Variants in MN1 observed in about 807,000 individuals in gnomAD.
MN1 encodes MN1 proto-oncogene, transcriptional regulator, also known as transcriptional activator MN1.
A neutral mutation model predicts 86.9 loss-of-function variants in MN1; 19 were observed. The ratio of observed to expected loss-of-function variants is 0.22; its 90% CI spans 0.15 to 0.32. MN1 has a LOEUF of 0.32. MN1 is among the 10% of genes least tolerant of loss of function. The pLI is 1.00. For synonymous variants in MN1, 928 were observed against 849.6 expected (o/e 1.09, Z -1.60); for missense variants, 1,841 against 1,862.0 (o/e 0.99, Z 0.21).
At chr22:27,751,916 A>C (rs891134025) in intron 1 of MN1, among the ~76,000 whole-genome samples, 2 of 152,034 alleles carry the variant, frequency 1.3e-5, no homozygotes, top group African/African-American at 4.8e-5. Flanking sequence ...CCACCTCTGA[A>C]GGTTCTGCCC....
chr22:27,750,832 G>C lies in MN1; in HGVS notation c.*83C>G, dbSNP rs1932756917. ...CAATAGTGGCCCTTTCAAATTAACA[G>C]AGGGGTGGGGTAAGGTTGAGGGGGA... On this transcript the variant is annotated 3_prime_UTR_variant, in exon 2 of 2. Transcript: ENST00000302326. 8 of 1,250,042 alleles carry C rather than the reference G, an allele frequency of 6.4e-6. No homozygotes were observed. The highest frequency in any genetic ancestry group is 6.1e-5 in the African/African-American group (4 of 65,666). 77.4% of individuals were successfully genotyped at this position (1,250,042 alleles called of 1,614,324 possible). A position where few individuals can be genotyped will look rare whatever the true frequency, so the allele number is the denominator to read the frequency against.
chr22:27,799,044 C>T lies in MN1; in HGVS notation c.1500G>A (p.Pro500=), dbSNP rs1316075779. The part of the protein sequence containing the change: ...AYPGLPGEFT[P]PVPDSFPSGP... ...CCGAAGGGAAGCTGTCGGGCACAGG[C>T]GGTGTGAACTCGCCGGGTAGGCCTG... The change falls in exon 1 of 2, where the codon CCG becomes CCA. Residue 500 remains proline (P), a synonymous_variant. Coordinates refer to ENST00000302326, the MANE Select transcript of MN1 (RefSeq NM_002430.3). The T allele has an allele frequency of 6.2e-7, 1 of 1,611,456 alleles. No individual in the cohort carries two copies. The highest frequency in any genetic ancestry group is 8.5e-7 in the Non-Finnish European group (1 of 1,178,922).
rs111405492 is a variant in MN1 at position 27,757,178 on chromosome 22, G to A, written c.3782-6082C>T. 8.5e-3 allele frequency among the ~76,000 whole-genome samples: 1,300 copies of A among 152,260 alleles called. 24 individuals carry two copies. The highest frequency in any genetic ancestry group is 0.029 in the African/African-American group (1,208 of 41,548). On this transcript the variant is annotated intron_variant, in intron 1 of 1. Coordinates refer to ENST00000302326, the MANE Select transcript of MN1 (RefSeq NM_002430.3). ...TCACACGGAGTCAGGGGCAGAGCCA[G>A]GCCTGCAATCCAGCCCCTGGTTTTT...
At chr22:27,775,754 G>A (rs374658133) in intron 1 of MN1, among the ~76,000 whole-genome samples, 1 of 152,216 alleles carries the variant, frequency 6.6e-6, no homozygotes, top group Non-Finnish European at 1.5e-5. Context: ...CTAATGAAGA[G>A]AGGGGAAAGA....
At chr22:27,791,408 A>G (rs45462093) in intron 1 of MN1, among the ~76,000 whole-genome samples, 26,733 of 151,952 alleles carry the variant, frequency 0.18, 2,809 homozygotes, top group South Asian at 0.29. Flanking sequence ...TATAGACACC[A>G]TCCTAAAACA....
At position 27,797,301 on chromosome 22, in the gene MN1, C is replaced by T. The variant is rs1031437584; in HGVS notation, c.3243G>A (p.Ser1081=). Reference sequence around the variant, plus strand: ...CTACCCCACGGGGAGGGAGTTTGGGCGAGCCGGTCACCAGGGGACTCCTGC... The same window carrying T: ...CTACCCCACGGGGAGGGAGTTTGGGTGAGCCGGTCACCAGGGGACTCCTGC... The part of the protein sequence containing the change: ...KASRSPLVTG[S]PKLPPRGVGA... The change falls in exon 1 of 2, where the codon TCG becomes TCA. Residue 1081 remains serine (S), a synonymous_variant. Coordinates refer to ENST00000302326, the MANE Select transcript of MN1 (RefSeq NM_002430.3). 1.3e-6 allele frequency: 2 copies of T among 1,598,172 alleles called. No homozygotes were observed. Among genetic ancestry groups the T allele is most frequent in the Non-Finnish European group, 1.7e-6 (2 of 1,178,746 alleles).
At chr22:27,751,990 G>A (rs1009146243) in intron 1 of MN1, among the ~76,000 whole-genome samples, 4 of 152,208 alleles carry the variant, frequency 2.6e-5, no homozygotes, top group Non-Finnish European at 5.9e-5. Context: ...CATGGGAGAA[G>A]AGGAGCCCTT....
At chr22:27,760,067 T>C (rs746829013) in intron 1 of MN1, among the ~76,000 whole-genome samples, 26 of 152,082 alleles carry the variant, frequency 1.7e-4, no homozygotes, top group Non-Finnish European at 3.2e-4. Flanking sequence ...AACCAGACAT[T>C]GGCTGGGCGT....
chr22:27,751,771 A>C (rs780524807), intron 1 of MN1, among the ~76,000 whole-genome samples: 1 of 152,156 alleles, frequency 6.6e-6, no homozygotes, highest in Non-Finnish European at 1.5e-5. Context: ...AGGATGGAGA[A>C]GGTGCCTGTG....
At position 27,797,312 on chromosome 22, in the gene MN1, C is replaced by T; in HGVS notation, c.3232G>A (p.Val1078Met). Residue 1078 changes from valine to methionine, a missense_variant, in exon 1 of 2, where the codon GTG becomes ATG. Coordinates refer to ENST00000302326, the MANE Select transcript of MN1 (RefSeq NM_002430.3). The part of the protein sequence containing the change: ...ALVKASRSPL[V>M]TGSPKLPPRG... ...GGAGGGAGTTTGGGCGAGCCGGTCA[C>T]CAGGGGACTCCTGCTCGCTTTAACT... 6.2e-7 allele frequency: 1 copy of T among 1,601,730 alleles called. No individual in the cohort carries two copies. Among genetic ancestry groups the T allele is most frequent in the Non-Finnish European group, 8.5e-7 (1 of 1,179,640 alleles).
intron 1 of MN1, among the ~76,000 whole-genome samples, chr22:27,756,996 A>G (rs1337102737): frequency 2.0e-5 from 3 of 152,176 alleles, no homozygotes; most frequent in Admixed American, 2.0e-4. Context: ...CCTGGGTTCA[A>G]GCAATCCTCC....
chr22:27,776,543 G>A (rs45457598), intron 1 of MN1, among the ~76,000 whole-genome samples: 4,412 of 152,242 alleles, frequency 0.029, 207 homozygotes, highest in African/African-American at 0.1. Flanking sequence ...CTGAAAGGGC[G>A]GGCCTGGCCT....
chr22:27,755,839 G>A (rs45509102), intron 1 of MN1, among the ~76,000 whole-genome samples: 3,013 of 152,260 alleles, frequency 0.02, 106 homozygotes, highest in African/African-American at 0.069. Context: ...AAGCAATTGC[G>A]TGAATAACTC....
chr22:27,784,322 C>G (rs1933092491), intron 1 of MN1, among the ~76,000 whole-genome samples: 1 of 152,206 alleles, frequency 6.6e-6, no homozygotes, highest in African/African-American at 2.4e-5. Context: ...GCCAAACACC[C>G]CCATATCCAC....
intron 1 of MN1, among the ~76,000 whole-genome samples, chr22:27,782,893 G>A (rs991990009): frequency 3.3e-5 from 5 of 151,464 alleles, no homozygotes; most frequent in Admixed American, 2.6e-4. Flanking sequence ...TTTTCCTCTT[G>A]TCAATTTTAT....
chr22:27,766,870 G>A lies in MN1; in HGVS notation c.3782-15774C>T, dbSNP rs45563236. On this transcript the variant is annotated intron_variant, in intron 1 of 1. Coordinates refer to ENST00000302326, the MANE Select transcript of MN1 (RefSeq NM_002430.3). ...GGAGTTTGTAGTACGCTGTCACCAA[G>A]GGGAGGCAACACTATTCCTGTCATT... Among the ~76,000 whole-genome samples the A allele has an allele frequency of 2.2e-3, 340 of 152,220 alleles. 1 individual carries two copies. Among genetic ancestry groups the A allele is most frequent in the Non-Finnish European group, 3.1e-3 (211 of 68,020 alleles).
chr22:27,791,570 C>T (rs1354007416), intron 1 of MN1, among the ~76,000 whole-genome samples: 3 of 152,056 alleles, frequency 2.0e-5, no homozygotes, highest in Admixed American at 2.0e-4. Context: ...CCCCCCACCC[C>T]CTCCGACAAA....
Position 27,754,160 on chromosome 22 carries a change from G to A in MN1, c.3782-3064C>T, listed in dbSNP as rs1006064274. 3.9e-5 allele frequency among the ~76,000 whole-genome samples: 6 copies of A among 152,188 alleles called. No individual in the cohort carries two copies. The South Asian group carries it at 6.2e-4, about 16-fold the overall frequency. On this transcript the variant is annotated intron_variant, in intron 1 of 1. Transcript: ENST00000302326. ...AAAGAAAATTCCTGAGCAACACACC[G>A]GGCAGAGGAAGCTGGGTCTGCCAAG...
In MN1 at chr22:27,800,986, C is replaced by A; in HGVS notation, c.-443G>T. 1 of 300,116 alleles carries A rather than the reference C, an allele frequency of 3.3e-6. No individual in the cohort carries two copies. The highest frequency in any genetic ancestry group is 6.3e-6 in the Non-Finnish European group (1 of 158,996). The allele number at this position is 300,116 out of a possible 1,614,324, so 18.6% of individuals were successfully genotyped here. The stretch of plus-strand genomic sequence containing the variant: ...TGGGGAGCCCTCAGGACGCCGCCCG[C>A]AGCCTCCCGGAGTCCGTGGCAGAGC... On this transcript the variant is annotated 5_prime_UTR_variant, in exon 1 of 2. Transcript: ENST00000302326.
Sources: allele counts gnomAD v4.1 joint callset (sites outside exome capture counted in the v4.1 genomes callset), GRCh38; gene constraint gnomAD v4.1.1; transcripts MANE v1.5; gene names NCBI Gene and HGNC (gene_info 2026-07-23, HGNC 2026-07-21).